KHSRP: variants seen among roughly 807,000 people sequenced by gnomAD.
KHSRP encodes the protein KH-type splicing regulatory protein, also known as far upstream element-binding protein 2.
KHSRP carries 13 observed loss-of-function variants against 94.9 expected under a neutral mutation model. The ratio of observed to expected loss-of-function variants is 0.14; its 90% confidence interval spans 0.09 to 0.22. The LOEUF (loss-of-function observed/expected upper bound fraction) is 0.22, where lower values mean the gene tolerates loss of function less well. Among genes scored for constraint, KHSRP ranks in the 10% least tolerant of loss-of-function variants. The pLI is 1.00. For synonymous variants in KHSRP, 495 were observed against 401.4 expected (o/e 1.23, Z -2.79); for missense variants, 710 against 1,010.0 (o/e 0.70, Z 4.03).
Position 6,414,949 on chromosome 19 carries a change from G to C in KHSRP, c.*75C>G. ...GGGAGGCCTCTTCGTTTAACCTCTGGACCCAGCGAATGCTTCCCTGGCGGT... is the reference window on the plus strand; with the variant it reads ...GGGAGGCCTCTTCGTTTAACCTCTGCACCCAGCGAATGCTTCCCTGGCGGT... On this transcript the variant is annotated 3_prime_UTR_variant, in exon 19 of 19. Coordinates refer to ENST00000600480, the MANE Select transcript of KHSRP (RefSeq NM_001366299.1). The C allele has an allele frequency of 7.0e-7, 1 of 1,432,774 alleles. No homozygotes were observed. The highest frequency in any genetic ancestry group is 9.1e-7 in the Non-Finnish European group (1 of 1,098,822). The allele number at this position is 1,432,774 out of a possible 1,614,324, so 88.8% of individuals were successfully genotyped here. A position where few individuals can be genotyped will look rare whatever the true frequency, so the allele number is the denominator to read the frequency against.
At chr19:6,423,530 C>T (rs910270300) in intron 1 of KHSRP, among the ~76,000 whole-genome samples, 2 of 152,230 alleles carry the variant, frequency 1.3e-5, no homozygotes, top group African/African-American at 2.4e-5. Context: ...TTCCTCCCTT[C>T]AAGCTGTCCC....
chr19:6,419,000 C>T lies in KHSRP; in HGVS notation c.606-124G>A. ...GTGCAAGGATGACAGGGAAGAGGGG[C>T]CAGTCACAGGGGCTGTTCAGGCTCC... On this transcript the variant is annotated intron_variant, in intron 7 of 18. Transcript: ENST00000600480. This position sits in a 1 kb window ranked among gnomAD's most constrained non-coding sequence, Gnocchi z 4.3. The T allele has an allele frequency of 8.4e-6, 10 of 1,184,658 alleles. No homozygotes were observed. The highest frequency in any genetic ancestry group is 1.2e-5 in the Non-Finnish European group (10 of 866,172). 73.4% of individuals were successfully genotyped at this position (1,184,658 alleles called of 1,614,324 possible).
In KHSRP at chr19:6,418,921, G is replaced by A. The variant is rs1411198055; in HGVS notation, c.606-45C>T. On this transcript the variant is annotated intron_variant, in intron 7 of 18. Transcript: ENST00000600480. This position sits in a 1 kb window ranked among gnomAD's most constrained non-coding sequence, Gnocchi z 4.3. ...GGGATGAGCGGGTGCCACCGCTGGA[G>A]AAAGGTACTGGTCTGGTGGCCCACC... 6.7e-7 allele frequency: 1 copy of A among 1,499,064 alleles called. No homozygotes were observed. The highest frequency in any genetic ancestry group is 8.9e-7 in the Non-Finnish European group (1 of 1,129,766). The allele number at this position is 1,499,064 out of a possible 1,614,324, so 92.9% of individuals were successfully genotyped here.
intron 6 of KHSRP, among the ~76,000 whole-genome samples, chr19:6,419,721 CCT>C (rs997220391): frequency 6.6e-5 from 10 of 152,200 alleles, no homozygotes; most frequent in African/African-American, 2.2e-4. Context: ...CAGAGTGACC[CCT>C]CTGTCCAAGG....
Position 6,414,380 on chromosome 19 carries a change from G to A in KHSRP, c.*644C>T, listed in dbSNP as rs1453744156. On this transcript the variant is annotated 3_prime_UTR_variant, in exon 19 of 19. Coordinates refer to ENST00000600480, the MANE Select transcript of KHSRP (RefSeq NM_001366299.1). ...AGGAGAGGGGCCGCGGAGGGCGGAG[G>A]CGCTAGGGTCGTAGGGGAGCTGCCC... The A allele has an allele frequency of 3.7e-6, 5 of 1,336,112 alleles. No individual in the cohort carries two copies. The highest frequency in any genetic ancestry group is 3.4e-5 in the Admixed American group (1 of 29,608). The allele number at this position is 1,336,112 out of a possible 1,614,324, so 82.8% of individuals were successfully genotyped here. A position where few individuals can be genotyped will look rare whatever the true frequency, so the allele number is the denominator to read the frequency against.
intron 2 of KHSRP, 54 bp from the exon 3 acceptor site, chr19:6,421,742 G>T: frequency 6.3e-7 from 1 of 1,599,234 alleles, no homozygotes; most frequent in Non-Finnish European, 8.6e-7. Flanking sequence ...CGGCCGCCTC[G>T]AACCTGATGC....
In KHSRP at chr19:6,414,925, G is replaced by A. The variant is rs1318697965; in HGVS notation, c.*99C>T. ...ACACAGGAACAAGCAGCCGGCGCAGGGAGGCCTCTTCGTTTAACCTCTGGA... is the reference window on the plus strand; with the variant it reads ...ACACAGGAACAAGCAGCCGGCGCAGAGAGGCCTCTTCGTTTAACCTCTGGA... On this transcript the variant is annotated 3_prime_UTR_variant, in exon 19 of 19. Transcript: ENST00000600480. The A allele has an allele frequency of 1.4e-6, 2 of 1,405,758 alleles. No individual in the cohort carries two copies. Among genetic ancestry groups the A allele is most frequent in the Non-Finnish European group, 1.8e-6 (2 of 1,085,880 alleles). The allele number at this position is 1,405,758 out of a possible 1,614,324, so 87.1% of individuals were successfully genotyped here.
chr19:6,417,851 G>C lies in KHSRP; in HGVS notation c.979-10C>G, dbSNP rs773019193. 3 of 1,613,026 alleles carry C rather than the reference G, an allele frequency of 1.9e-6. No individual in the cohort carries two copies. The highest frequency in any genetic ancestry group is 2.5e-6 in the Non-Finnish European group (3 of 1,179,172). The stretch of plus-strand genomic sequence containing the variant: ...GCCTGGGCACTGGCACCTGGGGAGG[G>C]AGGCAGCAGCGTCAGCTCGGCCCGC... On this transcript the variant is annotated splice_polypyrimidine_tract_variant and intron_variant, in intron 10 of 18. Transcript: ENST00000600480.
At chr19:6,422,194 A>G (rs2145124425) in intron 2 of KHSRP, 146 bp downstream of exon 2, 3 of 602,844 alleles carry the variant, frequency 5.0e-6, no homozygotes, top group South Asian at 4.0e-5. Context: ...AGACGGAACA[A>G]GAAGAATTAA....
chr19:6,415,905 G>A lies in KHSRP; in HGVS notation c.1599-9C>T, dbSNP rs1284034526. The A allele has an allele frequency of 1.5e-5, 22 of 1,485,082 alleles. No homozygotes were observed. The East Asian group carries it at 5.2e-4, about 35-fold the overall frequency. The allele number at this position is 1,485,082 out of a possible 1,614,324, so 92.0% of individuals were successfully genotyped here. On this transcript the variant is annotated splice_polypyrimidine_tract_variant and intron_variant, in intron 15 of 18. Coordinates refer to ENST00000600480, the MANE Select transcript of KHSRP (RefSeq NM_001366299.1). ...GAGGGGGCCCCCCGGCACTGCAGGAGAGAAGAAAGGGATGCTTGAGCAGTG... is the reference window on the plus strand; with the variant it reads ...GAGGGGGCCCCCCGGCACTGCAGGAAAGAAGAAAGGGATGCTTGAGCAGTG...
intron 1 of KHSRP, 57 bp from the exon 2 acceptor site, chr19:6,422,493 C>CTT: frequency 7.8e-7 from 1 of 1,280,140 alleles, no homozygotes; most frequent in Non-Finnish European, 1.1e-6. Flanking sequence ...CTCCATGGCA[C>CTT]CCAGGTCAAC....
chr19:6,416,793 G>A lies in KHSRP; in HGVS notation c.1272C>T (p.Gly424=), dbSNP rs374401627. ...GRGQGNWGPP[G]GEMTFSIPTH... Reference sequence around the variant, plus strand: ...TGGGGATGGAGAAGGTCATCTCCCCGCCAGGGGGACCCCAATTGCCTTGGC... The same window carrying A: ...TGGGGATGGAGAAGGTCATCTCCCCACCAGGGGGACCCCAATTGCCTTGGC... Residue 424 remains glycine (G), a synonymous_variant, in exon 13 of 19, where the codon GGC becomes GGT. Coordinates refer to ENST00000600480, the MANE Select transcript of KHSRP (RefSeq NM_001366299.1). The A allele has an allele frequency of 2.3e-5, 36 of 1,585,874 alleles. No individual in the cohort carries two copies. The highest frequency in any genetic ancestry group is 1.2e-4 in the African/African-American group (9 of 73,780).
At chr19:6,419,128 A>G in intron 7 of KHSRP, 75 bp downstream of exon 7, 1 of 1,439,828 alleles carries the variant, frequency 6.9e-7, no homozygotes, top group Non-Finnish European at 9.5e-7. Context: ...GTTGCTCCCA[A>G]CTTTCAATTC....
chr19:6,415,853 C>A lies in KHSRP; in HGVS notation c.1642G>T (p.Gly548Cys). ...GGCTGCCACTGGGGGTAGGTATTGC[C>A]CCAGCCCTGGGGTGGGTACTGGTGA... ...PPHQYPPQGW[G>C]NTYPQWQPPA... Residue 548 changes from glycine (G) to cysteine (C), a missense_variant, in exon 16 of 19, where the codon GGC becomes TGC. Transcript: ENST00000600480. The A allele has an allele frequency of 6.4e-7, 1 of 1,572,552 alleles. No individual in the cohort carries two copies. The highest frequency in any genetic ancestry group is 1.9e-5 in the Admixed American group (1 of 53,840).
At position 6,421,632 on chromosome 19, in the gene KHSRP, C is replaced by G. The variant is rs775491274; in HGVS notation, c.385+18G>C. Reference sequence around the variant, plus strand: ...CCCTCTGAAGCCACATATCTGCCACCAGACCCCCTGGACTTACAGTCTCCC... The same window carrying G: ...CCCTCTGAAGCCACATATCTGCCACGAGACCCCCTGGACTTACAGTCTCCC... On this transcript the variant is annotated intron_variant, in intron 3 of 18. Coordinates refer to ENST00000600480, the MANE Select transcript of KHSRP (RefSeq NM_001366299.1). 6.2e-7 allele frequency: 1 copy of G among 1,613,798 alleles called. No homozygotes were observed. The highest frequency in any genetic ancestry group is 8.5e-7 in the Non-Finnish European group (1 of 1,179,760).
At position 6,416,306 on chromosome 19, in the gene KHSRP, A is replaced by T. The variant is rs764900709; in HGVS notation, c.1590T>A (p.Ala530=). 6 of 1,600,766 alleles carry T rather than the reference A, an allele frequency of 3.7e-6. No individual in the cohort carries two copies. Residue 530 remains alanine (A), a synonymous_variant, in exon 15 of 19, where the codon GCT becomes GCA. Transcript: ENST00000600480. ...PGPFNQGPPG[A]PPHAGGPPPH... ...AGGCAGAGGATACTCACTGTGGGGG[A>T]GCCCCGGGTGGCCCCTGGTTGAAGG...
chr19:6,417,144 A>G, intron 11 of KHSRP, 57 bp from the exon 12 acceptor site: 1 of 1,419,348 alleles, frequency 7.0e-7, no homozygotes, highest in Non-Finnish European at 9.6e-7. Flanking sequence ...CCCACCCCAG[A>G]GCCCTGCAAC....
Position 6,417,041 on chromosome 19 carries a change from T to C in KHSRP, c.1128A>G (p.Pro376=), listed in dbSNP as rs1391057732. Residue 376 remains proline, a synonymous_variant, in exon 12 of 19, where the codon CCA becomes CCG. Transcript: ENST00000600480. ...TCCGGGCTGCGTGCTCGCACCTGTCTGGGGGCCCCATTATATGAGCAATCT... is the reference window on the plus strand; with the variant it reads ...TCCGGGCTGCGTGCTCGCACCTGTCCGGGGGCCCCATTATATGAGCAATCT... The part of the protein sequence containing the change: ...PEKIAHIMGP[P]DRCEHAARII... 1.2e-6 allele frequency: 2 copies of C among 1,613,406 alleles called. No individual in the cohort carries two copies. Among genetic ancestry groups the C allele is most frequent in the Non-Finnish European group, 1.7e-6 (2 of 1,179,866 alleles).
At chr19:6,417,224 C>T (rs916403391) in intron 11 of KHSRP, 137 bp from the exon 12 acceptor site, 27 of 690,438 alleles carry the variant, frequency 3.9e-5, no homozygotes, top group South Asian at 2.0e-4. Context: ...AGCCTCCACT[C>T]GCTCAGGGAT....
Sources: allele counts gnomAD v4.1 joint callset (sites outside exome capture counted in the v4.1 genomes callset), GRCh38; gene constraint gnomAD v4.1.1; non-coding constraint Gnocchi (gnomAD v3.1); transcripts MANE v1.5; gene names NCBI Gene and HGNC (gene_info 2026-07-23, HGNC 2026-07-21).